Variants in CNTN5 observed in about 807,000 individuals in gnomAD.
The protein encoded by CNTN5 is contactin 5, also known as contactin-5.
A neutral mutation model predicts 129.1 loss-of-function variants in CNTN5; 77 were observed. The ratio of observed to expected loss-of-function variants is 0.60; its 90% CI spans 0.50 to 0.72. The LOEUF (loss-of-function observed/expected upper bound fraction) is 0.72. Among genes scored for constraint, CNTN5 ranks in the 30% least tolerant of loss-of-function variants. The probability of loss-of-function intolerance (pLI) is 0.00; values close to 1 mark genes in which losing one functional copy is unlikely to be tolerated. For missense variants in CNTN5, 1,478 were observed against 1,328.8 expected, an observed-to-expected ratio of 1.11 and a Z score of -1.75; for synonymous variants, 509 against 465.6, an observed-to-expected ratio of 1.09 and a Z score of -1.20.
At chr11:99,114,559 G>A (rs776241736) in intron 1 of CNTN5, among the ~76,000 whole-genome samples, 12 of 145,548 alleles carry the variant, frequency 8.2e-5, no homozygotes, top group Non-Finnish European at 1.6e-4. Context: ...TTAAAACCAT[G>A]TTATAGAAGT....
At chr11:99,536,915 A>G (rs1591240421) in intron 2 of CNTN5, among the ~76,000 whole-genome samples, 1 of 152,084 alleles carries the variant, frequency 6.6e-6, no homozygotes. Flanking sequence ...ATAAAATCCA[A>G]TATATGTAAT....
At chr11:100,066,800 G>A (rs1356764051) in intron 10 of CNTN5, among the ~76,000 whole-genome samples, 2 of 143,266 alleles carry the variant, frequency 1.4e-5, no homozygotes, top group African/African-American at 5.3e-5. Context: ...AGAAGCCAAA[G>A]CCAATGCCCT....
At chr11:100,216,357 A>G (rs903821099) in intron 15 of CNTN5, among the ~76,000 whole-genome samples, 5 of 152,206 alleles carry the variant, frequency 3.3e-5, no homozygotes, top group Non-Finnish European at 7.3e-5. Flanking sequence ...ACAAAATAAT[A>G]TTAATCTTAA....
At chr11:100,202,758 C>T (rs1343158620) in intron 15 of CNTN5, among the ~76,000 whole-genome samples, 4 of 151,760 alleles carry the variant, frequency 2.6e-5, no homozygotes, top group Non-Finnish European at 5.9e-5. Flanking sequence ...TGTTAGTCAG[C>T]CAAGTTATAT....
chr11:99,227,702 A>G (rs1390136713), intron 1 of CNTN5, among the ~76,000 whole-genome samples: 2 of 152,198 alleles, frequency 1.3e-5, no homozygotes, highest in East Asian at 3.8e-4. Context: ...TGAATTCAAG[A>G]TTATTTGAAT....
intron 17 of CNTN5, among the ~76,000 whole-genome samples, chr11:100,261,589 C>A (rs1950198620): frequency 6.6e-6 from 1 of 152,036 alleles, no homozygotes; most frequent in South Asian, 2.1e-4. Context: ...GGTACTGGTA[C>A]CAAAACAGAG....
intron 16 of CNTN5, among the ~76,000 whole-genome samples, chr11:100,237,144 A>G (rs567805174): frequency 6.7e-6 from 1 of 149,922 alleles, no homozygotes; most frequent in East Asian, 2.0e-4. Context: ...AGCCGAGATC[A>G]CAGCACTGCA....
intron 7 of CNTN5, among the ~76,000 whole-genome samples, chr11:99,926,854 G>A (rs1002569672): frequency 6.6e-6 from 1 of 151,934 alleles, no homozygotes; most frequent in Non-Finnish European, 1.5e-5. Context: ...TTTTCCAAAT[G>A]TGTCTTTGTT....
intron 1 of CNTN5, among the ~76,000 whole-genome samples, chr11:99,044,412 C>T (rs570022250): frequency 5.9e-5 from 9 of 152,164 alleles, no homozygotes; most frequent in Non-Finnish European, 1.0e-4. Context: ...ATCTGCAGCC[C>T]GCCCATCTTA....
intron 6 of CNTN5, among the ~76,000 whole-genome samples, chr11:99,899,148 G>A (rs1397407990): frequency 4.6e-5 from 7 of 151,938 alleles, no homozygotes; most frequent in African/African-American, 1.7e-4. Flanking sequence ...GGTTTTCTAG[G>A]TAAACAATCA....
chr11:99,428,318 G>A (rs958856346), intron 2 of CNTN5, among the ~76,000 whole-genome samples: 5 of 151,884 alleles, frequency 3.3e-5, no homozygotes, highest in Admixed American at 6.6e-5. Context: ...CCAGCACTTC[G>A]GAGGGCCAAG....
chr11:99,792,596 T>C (rs546047858), intron 3 of CNTN5, among the ~76,000 whole-genome samples: 48 of 150,806 alleles, frequency 3.2e-4, no homozygotes, highest in Non-Finnish European at 6.2e-4. Context: ...TGTCTGTCTG[T>C]CTGCAAGGTT....
chr11:99,481,489 A>C (rs1945599553), intron 2 of CNTN5, among the ~76,000 whole-genome samples: 1 of 152,172 alleles, frequency 6.6e-6, no homozygotes, highest in Admixed American at 6.5e-5. Context: ...TCAGTAAAAT[A>C]CATTGACTTT....
Position 99,390,595 on chromosome 11 carries a change from C to T in CNTN5, c.-71+65111C>T, listed in dbSNP as rs77118780. On this transcript the variant is annotated intron_variant, in intron 2 of 24. Transcript: ENST00000524871. ...TGAGCTCAGAATTTTTATCCATTTG[C>T]GTACAAACTAATGAAATATGAATAA... Among the ~76,000 whole-genome samples, 478 of 152,136 alleles carry T rather than the reference C, an allele frequency of 3.1e-3. 1 individual carries two copies. Among genetic ancestry groups the T allele is most frequent in the African/African-American group, 0.011 (470 of 41,522 alleles).
At chr11:100,217,712 T>C (rs1045898224) in intron 15 of CNTN5, among the ~76,000 whole-genome samples, 3 of 152,196 alleles carry the variant, frequency 2.0e-5, no homozygotes, top group East Asian at 3.8e-4. Context: ...TCTGTCACAA[T>C]TGCTAAAATC....
chr11:99,651,402 G>A (rs906963682), intron 3 of CNTN5, among the ~76,000 whole-genome samples: 1 of 151,800 alleles, frequency 6.6e-6, no homozygotes, highest in Non-Finnish European at 1.5e-5. Context: ...TTCCCTAAAA[G>A]CAATTCATCC....
At chr11:99,022,642 A>C (rs947726261) in intron 1 of CNTN5, among the ~76,000 whole-genome samples, 1 of 152,170 alleles carries the variant, frequency 6.6e-6, no homozygotes, top group Non-Finnish European at 1.5e-5. Flanking sequence ...AACAAATTAA[A>C]GATATTACAT....
At position 99,058,730 on chromosome 11, in the gene CNTN5, C is replaced by T. The variant is rs868379905; in HGVS notation, c.-210+37460C>T. Among the ~76,000 whole-genome samples the T allele has an allele frequency of 2.6e-5, 4 of 151,730 alleles. No homozygotes were observed. The Middle Eastern group carries it at 0.01, about 387-fold the overall frequency. ...GGTTCCTTTTTCTGCCCAAAGTCTT[C>T]CTTCATTGTCATTAATCAAAGACTG... is the stretch of plus-strand genomic sequence containing the variant. On this transcript the variant is annotated intron_variant, in intron 1 of 24. Coordinates refer to ENST00000524871, the MANE Select transcript of CNTN5 (RefSeq NM_014361.4).
chr11:99,107,070 A>G (rs1867031125), intron 1 of CNTN5, among the ~76,000 whole-genome samples: 1 of 152,170 alleles, frequency 6.6e-6, no homozygotes, highest in Non-Finnish European at 1.5e-5. Context: ...CAAACAAGTG[A>G]TAGCTGTAAA....
Sources: allele counts gnomAD v4.1 joint callset (sites outside exome capture counted in the v4.1 genomes callset), GRCh38; gene constraint gnomAD v4.1.1; transcripts MANE v1.5; gene names NCBI Gene and HGNC (gene_info 2026-07-23, HGNC 2026-07-21).